Variants in BAHD1 observed in about 807,000 individuals in gnomAD.
BAHD1 encodes bromo adjacent homology domain-containing 1 protein.
BAHD1 carries 20 observed loss-of-function variants against 63.1 expected under a neutral mutation model. The observed-to-expected ratio is 0.32, with a 90% confidence interval of 0.22 to 0.46. The LOEUF is 0.46. Among genes scored for constraint, BAHD1 ranks in the 20% least tolerant of loss-of-function variants. BAHD1 has a pLI of 1.00. For synonymous variants in BAHD1, 408 were observed against 426.8 expected (o/e 0.96, Z 0.54); for missense variants, 939 against 1,071.8 (o/e 0.88, Z 1.73).
chr15:40,451,856 A>G (rs1893713645), intron 1 of BAHD1, among the ~76,000 whole-genome samples: 1 of 152,276 alleles, frequency 6.6e-6, no homozygotes, highest in Non-Finnish European at 1.5e-5. Context: ...GGGGGAAGGC[A>G]CGTTGCCTAA....
At chr15:40,451,157 A>AC (rs1320575614) in intron 1 of BAHD1, among the ~76,000 whole-genome samples, 39 of 151,694 alleles carry the variant, frequency 2.6e-4, no homozygotes, top group African/African-American at 8.7e-4. Context: ...AAAAAAAAAA[A>AC]AAAAAAAAAA....
At chr15:40,463,828 C>T in intron 3 of BAHD1, 33 bp from the exon 4 acceptor site, 1 of 1,611,900 alleles carries the variant, frequency 6.2e-7, no homozygotes, top group Non-Finnish European at 8.5e-7. Context: ...TGTGGCTCTG[C>T]AAGCCTATTT....
chr15:40,444,984 T>C (rs1028111530), intron 1 of BAHD1, among the ~76,000 whole-genome samples: 3 of 151,852 alleles, frequency 2.0e-5, no homozygotes, highest in Admixed American at 2.0e-4. Context: ...CCCTACTACT[T>C]CTCTCCTCCT....
chr15:40,452,466 AGAGTT>A (rs893439153), intron 1 of BAHD1, among the ~76,000 whole-genome samples: 5 of 152,184 alleles, frequency 3.3e-5, no homozygotes, highest in African/African-American at 1.2e-4. Flanking sequence ...CTTTCACTGT[AGAGTT>A]GAGTATTTCT....
chr15:40,448,211 T>C (rs1034739549), intron 1 of BAHD1, among the ~76,000 whole-genome samples: 10 of 151,114 alleles, frequency 6.6e-5, no homozygotes, highest in African/African-American at 2.2e-4. Context: ...CACTGCACTC[T>C]AGCCTGGATG....
intron 1 of BAHD1, among the ~76,000 whole-genome samples, chr15:40,442,173 T>C (rs1893422630): frequency 6.6e-6 from 1 of 151,816 alleles, no homozygotes; most frequent in East Asian, 1.9e-4. Flanking sequence ...AGGGGCTCGC[T>C]TGGCGGTGAA....
Position 40,465,443 on chromosome 15 carries a change from G to A in BAHD1, c.2153+8G>A. On this transcript the variant is annotated splice_region_variant and intron_variant, in intron 6 of 6. Coordinates refer to ENST00000416165, the MANE Select transcript of BAHD1 (RefSeq NM_014952.5). ...TTTTGCCGAGTACTGCAGGTAGGTG[G>A]TTCCCTGCACCCTCTGGCTGGCCTC... The A allele has an allele frequency of 6.2e-7, 1 of 1,608,106 alleles. No homozygotes were observed. The highest frequency in any genetic ancestry group is 8.5e-7 in the Non-Finnish European group (1 of 1,174,518).
At chr15:40,439,086 G>A (rs961287027), upstream of BAHD1, among the ~76,000 whole-genome samples, 15 of 152,180 alleles carry the variant, frequency 9.9e-5, no homozygotes, top group African/African-American at 3.1e-4. Flanking sequence ...GGCGCTGCCG[G>A]GAACCTCTGT....
intron 1 of BAHD1, among the ~76,000 whole-genome samples, chr15:40,442,536 G>A (rs907256642): frequency 6.6e-6 from 1 of 152,192 alleles, no homozygotes; most frequent in Non-Finnish European, 1.5e-5. Context: ...TTTTCAACAA[G>A]CAGAGTCTGC....
chr15:40,458,488 C>G lies in BAHD1; in HGVS notation c.24C>G (p.Ser8=). 6.3e-7 allele frequency: 1 copy of G among 1,598,232 alleles called. No individual in the cohort carries two copies. ...CCATGACACACACTCGGAGAAAGTC[C>G]CTTCCCATGCTGAGTTCGGGCCTCA... is the stretch of plus-strand genomic sequence containing the variant. MTHTRRK[S]LPMLSSGLTG... is the part of the protein sequence containing the mutation. Residue 8 remains serine (S), a synonymous_variant, in exon 2 of 7, where the codon TCC becomes TCG. Coordinates refer to ENST00000416165, the MANE Select transcript of BAHD1 (RefSeq NM_014952.5). This position sits in a 1 kb window ranked among gnomAD's most constrained non-coding sequence, Gnocchi z 4.7.
chr15:40,457,652 A>C (rs1893887261), intron 1 of BAHD1, among the ~76,000 whole-genome samples: 2 of 152,216 alleles, frequency 1.3e-5, no homozygotes, highest in African/African-American at 4.8e-5. Flanking sequence ...TCCTGTGGCC[A>C]ACCTCAGAAG....
chr15:40,448,811 G>A (rs1393703994), intron 1 of BAHD1, among the ~76,000 whole-genome samples: 1 of 149,602 alleles, frequency 6.7e-6, no homozygotes, highest in East Asian at 2.0e-4. Context: ...GAGCCACCAC[G>A]CCCACCCAGC....
At chr15:40,452,116 C>G (rs549201136) in intron 1 of BAHD1, among the ~76,000 whole-genome samples, 3 of 152,370 alleles carry the variant, frequency 2.0e-5, no homozygotes, top group Admixed American at 1.3e-4. Flanking sequence ...TAAAAGCAAG[C>G]CTGTGTCCAG....
At chr15:40,464,091 C>G (rs1894132429) in intron 4 of BAHD1, 71 bp downstream of exon 4, 1 of 1,550,514 alleles carries the variant, frequency 6.4e-7, no homozygotes, top group Non-Finnish European at 8.8e-7. Flanking sequence ...CAGATTGGCC[C>G]CTGCCTGGAG....
At chr15:40,464,745 G>A (rs1226606658) in intron 5 of BAHD1, among the ~76,000 whole-genome samples, 198 bp downstream of exon 5, 1 of 152,184 alleles carries the variant, frequency 6.6e-6, no homozygotes, top group East Asian at 1.9e-4. Flanking sequence ...TGTTTCAAAG[G>A]GAATAATAAC....
upstream of BAHD1, among the ~76,000 whole-genome samples, chr15:40,438,156 A>G (rs1893315813): frequency 1.3e-5 from 2 of 151,904 alleles, no homozygotes; most frequent in Non-Finnish European, 2.9e-5. Context: ...ACAGCTGCCC[A>G]GTGAAGTGGG....
At chr15:40,450,501 A>G (rs1304168463) in intron 1 of BAHD1, among the ~76,000 whole-genome samples, 1 of 152,196 alleles carries the variant, frequency 6.6e-6, no homozygotes, top group African/African-American at 2.4e-5. Context: ...GTGCTTGGAG[A>G]AGGCTGGTGA....
At chr15:40,457,805 C>T (rs757036715) in intron 1 of BAHD1, among the ~76,000 whole-genome samples, 4 of 152,154 alleles carry the variant, frequency 2.6e-5, no homozygotes, top group Non-Finnish European at 5.9e-5. Context: ...GTCAGGAGAT[C>T]GAGACCACCC....
upstream of BAHD1, among the ~76,000 whole-genome samples, chr15:40,439,325 G>A (rs567407813): frequency 3.3e-5 from 5 of 152,322 alleles, no homozygotes; most frequent in East Asian, 7.7e-4. Context: ...TGGGCCCCCT[G>A]GACAGCTCTG....
Sources: allele counts gnomAD v4.1 joint callset (sites outside exome capture counted in the v4.1 genomes callset), GRCh38; gene constraint gnomAD v4.1.1; non-coding constraint Gnocchi (gnomAD v3.1); transcripts MANE v1.5; gene names NCBI Gene and HGNC (gene_info 2026-07-23, HGNC 2026-07-21).